Variants in AQP9 observed in about 807,000 individuals in gnomAD.
AQP9 encodes the protein aquaporin-9.
A neutral mutation model predicts 23.8 loss-of-function variants in AQP9; 19 were observed. That is an observed-to-expected ratio of 0.80 (90% CI 0.56 to 1.17). AQP9 has a LOEUF of 1.17. AQP9 is among the 50% of genes most tolerant of loss of function. The probability of loss-of-function intolerance (pLI) is 0.00; values close to 1 mark genes in which losing one functional copy is unlikely to be tolerated. For synonymous variants in AQP9, 153 were observed against 131.5 expected, an observed-to-expected ratio of 1.16 and a Z score of -1.12; for missense variants, 413 against 362.0, an observed-to-expected ratio of 1.14 and a Z score of -1.14.
intron 1 of AQP9, among the ~76,000 whole-genome samples, chr15:58,156,946 C>A (rs1393714546): frequency 6.6e-6 from 1 of 152,076 alleles, no homozygotes; most frequent in Admixed American, 6.6e-5. Context: ...CAAAGGTTTC[C>A]TTAGATGGAA....
At chr15:58,139,643 G>T (rs1370192789) in intron 1 of AQP9, among the ~76,000 whole-genome samples, 1 of 152,108 alleles carries the variant, frequency 6.6e-6, no homozygotes, top group Non-Finnish European at 1.5e-5. Context: ...TTTGCTTGGG[G>T]CAAATACATA....
chr15:58,169,575 G>A (rs879746780), intron 2 of AQP9, among the ~76,000 whole-genome samples: 1 of 152,204 alleles, frequency 6.6e-6, no homozygotes, highest in Non-Finnish European at 1.5e-5. Flanking sequence ...GGCTTGTAAG[G>A]TCTGCTTGAA....
At chr15:58,167,783 C>T (rs1041589207) in intron 2 of AQP9, among the ~76,000 whole-genome samples, 3 of 152,072 alleles carry the variant, frequency 2.0e-5, no homozygotes, top group African/African-American at 7.2e-5. Context: ...AGCACAATGG[C>T]ACGATCTTGG....
intron 1 of AQP9, among the ~76,000 whole-genome samples, chr15:58,161,830 C>A (rs1289655144): frequency 6.6e-6 from 1 of 152,122 alleles, no homozygotes; most frequent in Admixed American, 6.5e-5. Context: ...TCAAATCTGG[C>A]ACATATCATT....
intron 1 of AQP9, among the ~76,000 whole-genome samples, chr15:58,146,567 G>T (rs1318642901): frequency 6.6e-6 from 1 of 152,068 alleles, no homozygotes; most frequent in Non-Finnish European, 1.5e-5. Context: ...AGTTGCGGGG[G>T]AGTGAATCAT....
At chr15:58,138,223 AT>A (rs1897891112), upstream of AQP9, 1 of 167,110 alleles carries the variant, frequency 6.0e-6, no homozygotes, top group South Asian at 1.5e-4. Flanking sequence ...CAACTGGCAC[AT>A]CTCTTTTCTC....
At chr15:58,141,157 G>A (rs1410334551) in intron 1 of AQP9, among the ~76,000 whole-genome samples, 1 of 152,154 alleles carries the variant, frequency 6.6e-6, no homozygotes, top group Non-Finnish European at 1.5e-5. Flanking sequence ...TCTCTTCCTT[G>A]GGCTGAACTT....
chr15:58,176,467 A>G (rs8027422), intron 4 of AQP9, among the ~76,000 whole-genome samples: 4,557 of 152,140 alleles, frequency 0.03, 235 homozygotes, highest in African/African-American at 0.1. Context: ...GCAGTGAGCT[A>G]TGATTACACC....
chr15:58,142,939 G>A (rs1595725443), intron 1 of AQP9, among the ~76,000 whole-genome samples: 2 of 152,220 alleles, frequency 1.3e-5, no homozygotes, highest in East Asian at 3.9e-4. Flanking sequence ...GCCTGTGGGT[G>A]GTTTGTCTGT....
rs1264232365 is a variant in AQP9, at chr15:58,138,552, A to G, written c.-14A>G. 5.0e-6 allele frequency: 8 copies of G among 1,611,818 alleles called. No homozygotes were observed. The highest frequency in any genetic ancestry group is 6.8e-6 in the Non-Finnish European group (8 of 1,178,436). ...GGTATTGGTAGAAACAGGAGTCCTCAGAGAAGCCCCAAGATGCAGCCTGAG... is the reference window on the plus strand; with the variant it reads ...GGTATTGGTAGAAACAGGAGTCCTCGGAGAAGCCCCAAGATGCAGCCTGAG... On this transcript the variant is annotated 5_prime_UTR_variant, in exon 1 of 6. Coordinates refer to ENST00000219919, the MANE Select transcript of AQP9 (RefSeq NM_020980.5).
At chr15:58,183,215 T>C (rs1300220949) in intron 5 of AQP9, among the ~76,000 whole-genome samples, 1 of 152,240 alleles carries the variant, frequency 6.6e-6, no homozygotes, top group Non-Finnish European at 1.5e-5. Context: ...TATATATCCT[T>C]AAACAATATA....
chr15:58,174,774 C>T (rs1166416555), intron 3 of AQP9, 144 bp from the exon 4 acceptor site: 15 of 682,896 alleles, frequency 2.2e-5, no homozygotes, highest in Admixed American at 2.0e-4. Flanking sequence ...CTAAAACTAT[C>T]ATTCCTCGGA....
intron 1 of AQP9, among the ~76,000 whole-genome samples, chr15:58,161,983 A>T (rs1020365935): frequency 3.9e-5 from 6 of 152,242 alleles, no homozygotes. Context: ...CAGAGAAAAA[A>T]AAAGTTCAAC....
chr15:58,169,833 A>G (rs1898582394), intron 2 of AQP9, among the ~76,000 whole-genome samples: 1 of 152,234 alleles, frequency 6.6e-6, no homozygotes. Flanking sequence ...ATTGCTATTG[A>G]TGTAGTATTT....
In AQP9 at chr15:58,179,292, C is replaced by T; in HGVS notation, c.660C>T (p.Asp220=). Residue 220 remains aspartate, a synonymous_variant, in exon 5 of 6, where the codon GAC becomes GAT. Coordinates refer to ENST00000219919, the MANE Select transcript of AQP9 (RefSeq NM_020980.5). ...NSGCAMNPAR[D]LSPRLFTALA... ...GCTGTGCCATGAACCCAGCTCGAGA[C>T]CTGAGTCCCAGACTTTTCACTGCCT... The T allele has an allele frequency of 6.2e-7, 1 of 1,614,110 alleles. No individual in the cohort carries two copies. The highest frequency in any genetic ancestry group is 1.1e-5 in the South Asian group (1 of 91,076).
intron 1 of AQP9, among the ~76,000 whole-genome samples, chr15:58,139,436 G>A (rs763997316): frequency 1.3e-5 from 2 of 152,156 alleles, no homozygotes; most frequent in South Asian, 2.1e-4. Context: ...TTTGCTGCAC[G>A]TTCTAGCATT....
intron 3 of AQP9, among the ~76,000 whole-genome samples, chr15:58,174,709 G>A (rs770596498): frequency 6.6e-6 from 1 of 152,348 alleles, no homozygotes; most frequent in South Asian, 2.1e-4. Context: ...GCCATTCAGA[G>A]AGGCCAAAGG....
chr15:58,160,023 C>T (rs1898340829), intron 1 of AQP9, among the ~76,000 whole-genome samples: 1 of 152,144 alleles, frequency 6.6e-6, no homozygotes, highest in Non-Finnish European at 1.5e-5. Context: ...GATACATGCC[C>T]AGTATTGAAA....
At chr15:58,138,715 T>C in intron 1 of AQP9, 39 bp downstream of exon 1, 1 of 1,561,808 alleles carries the variant, frequency 6.4e-7, no homozygotes, top group Non-Finnish European at 8.8e-7. Context: ...GACCCAATAA[T>C]GCCTCCCTAG....
Sources: allele counts gnomAD v4.1 joint callset (sites outside exome capture counted in the v4.1 genomes callset), GRCh38; gene constraint gnomAD v4.1.1; transcripts MANE v1.5; gene names NCBI Gene and HGNC (gene_info 2026-07-23, HGNC 2026-07-21).